The following SGIP1 variants were observed in gnomAD, a reference collection of about 807,000 sequenced individuals.
The protein encoded by SGIP1 is SH3GL interacting endocytic adaptor 1.
Under a neutral mutation model 107.5 loss-of-function variants are expected in SGIP1, and 38 were observed. The observed-to-expected ratio is 0.35, with a 90% CI of 0.27 to 0.46. The LOEUF (loss-of-function observed/expected upper bound fraction) is 0.46. SGIP1 is among the 20% of genes least tolerant of loss of function. The probability of loss-of-function intolerance (pLI) is 1.00; values close to 1 mark genes in which losing one functional copy is unlikely to be tolerated. For synonymous variants in SGIP1, 365 were observed against 366.1 expected, an observed-to-expected ratio of 1.00 and a Z score of 0.03; for missense variants, 929 against 1,019.5, an observed-to-expected ratio of 0.91 and a Z score of 1.21.
intron 18 of SGIP1, among the ~76,000 whole-genome samples, chr1:66,703,592 G>A (rs2092203861): frequency 6.6e-6 from 1 of 150,872 alleles, no homozygotes; most frequent in Admixed American, 6.6e-5. Flanking sequence ...TCATATATAT[G>A]ATATGATATG....
At chr1:66,627,204 A>C (rs2073054405) in intron 2 of SGIP1, among the ~76,000 whole-genome samples, 1 of 151,990 alleles carries the variant, frequency 6.6e-6, no homozygotes, top group African/African-American at 2.4e-5. Flanking sequence ...TTTCATGGGA[A>C]TTTGAGGGTG....
chr1:66,711,503 C>T (rs1022528019), intron 18 of SGIP1, among the ~76,000 whole-genome samples: 3 of 152,108 alleles, frequency 2.0e-5, no homozygotes, highest in Admixed American at 6.6e-5. Flanking sequence ...TTTATCTTTT[C>T]CTAATTCTAA....
intron 7 of SGIP1, among the ~76,000 whole-genome samples, chr1:66,653,637 T>C (rs779360506): frequency 1.3e-5 from 2 of 152,196 alleles, no homozygotes; most frequent in Admixed American, 1.3e-4. Flanking sequence ...AAACACTCAA[T>C]TTCTGTAACA....
At chr1:66,664,777 G>C (rs2082190700) in intron 8 of SGIP1, among the ~76,000 whole-genome samples, 1 of 150,858 alleles carries the variant, frequency 6.6e-6, no homozygotes, top group Admixed American at 6.6e-5. Context: ...ATGCATTAGC[G>C]CACATATTGA....
intron 18 of SGIP1, among the ~76,000 whole-genome samples, chr1:66,709,183 C>A (rs1350343224): frequency 6.8e-6 from 1 of 146,116 alleles, no homozygotes; most frequent in Admixed American, 6.9e-5. Context: ...CCTCCCCCAG[C>A]CCCCCACCCC....
intron 18 of SGIP1, among the ~76,000 whole-genome samples, chr1:66,716,719 T>C (rs902699954): frequency 1.9e-4 from 29 of 152,114 alleles, no homozygotes; most frequent in Non-Finnish European, 3.5e-4. Flanking sequence ...AAAAATGATG[T>C]ATATATGTGT....
At chr1:66,739,647 T>C in intron 22 of SGIP1, 110 bp downstream of exon 22, 1 of 1,059,622 alleles carries the variant, frequency 9.4e-7, no homozygotes, top group South Asian at 1.5e-5. Flanking sequence ...GCCTGTGCAT[T>C]AGGGTTCAGG....
chr1:66,626,135 T>A (rs1182591457), intron 2 of SGIP1: 1 of 221,102 alleles, frequency 4.5e-6, no homozygotes, highest in Non-Finnish European at 8.0e-6. Flanking sequence ...TTTTCTTTCT[T>A]TCTTTTTTTT....
At chr1:66,713,669 G>A (rs2093056002) in intron 18 of SGIP1, among the ~76,000 whole-genome samples, 1 of 152,112 alleles carries the variant, frequency 6.6e-6, no homozygotes, top group East Asian at 1.9e-4. Context: ...TAGGGGGAAG[G>A]ATATGCCTCA....
chr1:66,675,537 C>CT (rs141370211), intron 12 of SGIP1, among the ~76,000 whole-genome samples: 1,354 of 109,026 alleles, frequency 0.012, 179 homozygotes, highest in African/African-American at 0.04. Context: ...TTTTCTTTTT[C>CT]TTTCTTTTTT....
At chr1:66,570,600 C>T (rs961679561) in intron 1 of SGIP1, among the ~76,000 whole-genome samples, 1 of 151,904 alleles carries the variant, frequency 6.6e-6, no homozygotes, top group Non-Finnish European at 1.5e-5. Context: ...ATCTATCCAT[C>T]AAATCATTCA....
At chr1:66,654,877 C>T (rs2079440835) in intron 7 of SGIP1, among the ~76,000 whole-genome samples, 1 of 152,234 alleles carries the variant, frequency 6.6e-6, no homozygotes, top group African/African-American at 2.4e-5. Flanking sequence ...ATGTGGGCAA[C>T]AGAGACAGAG....
intron 1 of SGIP1, among the ~76,000 whole-genome samples, chr1:66,552,364 T>C (rs2057544894): frequency 6.6e-6 from 1 of 152,114 alleles, no homozygotes; most frequent in South Asian, 2.1e-4. Context: ...CCTTGATGCT[T>C]CCACCTCACC....
At chr1:66,625,071 T>G (rs1320352943) in intron 1 of SGIP1, among the ~76,000 whole-genome samples, 3 of 152,200 alleles carry the variant, frequency 2.0e-5, no homozygotes, top group Non-Finnish European at 2.9e-5. Context: ...CTAGGGAAAC[T>G]GACACAGGGA....
chr1:66,690,335 C>T lies in SGIP1; in HGVS notation c.1570+19C>T. The T allele has an allele frequency of 1.2e-6, 2 of 1,613,676 alleles. No individual in the cohort carries two copies. Among genetic ancestry groups the T allele is most frequent in the Non-Finnish European group, 1.7e-6 (2 of 1,179,860 alleles). On this transcript the variant is annotated intron_variant, in intron 17 of 24. Coordinates refer to ENST00000371037, the MANE Select transcript of SGIP1 (RefSeq NM_032291.4). ...ACAGTTGGTAAAAATTCTCTCCTCT[C>T]TTTTAATCCGTTTGTGGTTTTGACT...
intron 1 of SGIP1, among the ~76,000 whole-genome samples, chr1:66,622,072 A>G (rs748664625): frequency 6.6e-6 from 1 of 152,212 alleles, no homozygotes; most frequent in Non-Finnish European, 1.5e-5. Flanking sequence ...TTCAGGATTT[A>G]TCTGCATACA....
At chr1:66,606,230 A>C (rs2066814016) in intron 1 of SGIP1, among the ~76,000 whole-genome samples, 1 of 152,236 alleles carries the variant, frequency 6.6e-6, no homozygotes, top group Admixed American at 6.5e-5. Flanking sequence ...CACATGTAAA[A>C]AGCGCATGGA....
intron 1 of SGIP1, among the ~76,000 whole-genome samples, chr1:66,544,512 C>A (rs1375256049): frequency 6.6e-6 from 1 of 152,074 alleles, no homozygotes; most frequent in East Asian, 1.9e-4. Flanking sequence ...CATGGCGAGA[C>A]CCTGCCTCTA....
chr1:66,643,401 C>T, intron 6 of SGIP1, 143 bp from the exon 7 acceptor site: 3 of 603,404 alleles, frequency 5.0e-6, no homozygotes, highest in Non-Finnish European at 8.6e-6. Context: ...ATTCTAACCC[C>T]TTCCTCCTTT....
Sources: allele counts gnomAD v4.1 joint callset (sites outside exome capture counted in the v4.1 genomes callset), GRCh38; gene constraint gnomAD v4.1.1; transcripts MANE v1.5; gene names NCBI Gene and HGNC (gene_info 2026-07-23, HGNC 2026-07-21).